Variants in CLTCL1 observed in about 807,000 individuals in gnomAD.
The protein encoded by CLTCL1 is clathrin heavy chain like 1, also known as clathrin heavy chain 2.
In CLTCL1, 159 loss-of-function variants were observed where a neutral mutation model predicts 190.0. The ratio of observed to expected loss-of-function variants is 0.84; its 90% CI spans 0.74 to 0.95. CLTCL1 has a LOEUF of 0.95. Ranked by LOEUF, CLTCL1 falls within the 40% of genes least tolerant of loss-of-function variation. The pLI is 0.00. For synonymous variants in CLTCL1, 752 were observed against 769.6 expected (o/e 0.98, Z 0.38); for missense variants, 1,878 against 2,033.4 (o/e 0.92, Z 1.47).
At chr22:19,285,761 G>T (rs1569263489) in intron 1 of CLTCL1, among the ~76,000 whole-genome samples, 1 of 152,156 alleles carries the variant, frequency 6.6e-6, no homozygotes, top group East Asian at 1.9e-4. Flanking sequence ...GGAAAAATCA[G>T]ACAGATTGCA....
At chr22:19,236,151 C>A (rs1302208274) in intron 5 of CLTCL1, among the ~76,000 whole-genome samples, 1 of 152,116 alleles carries the variant, frequency 6.6e-6, no homozygotes, top group Non-Finnish European at 1.5e-5. Flanking sequence ...GTTTCTCAGG[C>A]CGAGAGATTA....
chr22:19,239,789 G>A lies in CLTCL1; in HGVS notation c.682-401C>T, dbSNP rs150200659. ...AGTGCAAGATCTCATCACTGGAGGC[G>A]AAACTCACGAGACATCCTCACCATG... is the stretch of plus-strand genomic sequence containing the variant. On this transcript the variant is annotated intron_variant, in intron 4 of 32. Transcript: ENST00000427926. 5.6e-3 allele frequency among the ~76,000 whole-genome samples: 859 copies of A among 152,224 alleles called. 11 individuals carry two copies. Among genetic ancestry groups the A allele is most frequent in the African/African-American group, 0.019 (773 of 41,534 alleles).
At chr22:19,250,638 C>T (rs569682390) in intron 3 of CLTCL1, among the ~76,000 whole-genome samples, 130 of 152,048 alleles carry the variant, frequency 8.5e-4, no homozygotes, top group African/African-American at 3.0e-3. Context: ...ACTGTAACCT[C>T]CACCTCCCAG....
intron 18 of CLTCL1, among the ~76,000 whole-genome samples, chr22:19,217,502 G>A (rs2085422546): frequency 6.6e-6 from 1 of 150,924 alleles, no homozygotes; most frequent in African/African-American, 2.4e-5. Context: ...TGTAGTCCCA[G>A]CTACTCGGGA....
chr22:19,271,497 T>C (rs1408604631), intron 2 of CLTCL1, among the ~76,000 whole-genome samples: 4 of 152,210 alleles, frequency 2.6e-5, no homozygotes, highest in African/African-American at 9.6e-5. Flanking sequence ...CTCTCTCTAC[T>C]GCTCCGCTAC....
intron 5 of CLTCL1, among the ~76,000 whole-genome samples, chr22:19,237,869 G>A (rs1263015642): frequency 6.6e-6 from 1 of 152,116 alleles, no homozygotes; most frequent in Non-Finnish European, 1.5e-5. Flanking sequence ...TATCAGCAGT[G>A]CTAGGATTTC....
At chr22:19,180,381 C>A in intron 31 of CLTCL1, 143 bp from the exon 32 acceptor site, 3 of 910,778 alleles carry the variant, frequency 3.3e-6, no homozygotes, top group South Asian at 1.5e-5. Flanking sequence ...CCTCTCCAGT[C>A]TGCTCGACAG....
intron 30 of CLTCL1, chr22:19,183,031 T>C (rs1012805592): frequency 1.2e-4 from 37 of 302,432 alleles, no homozygotes; most frequent in Non-Finnish European, 1.9e-4. Flanking sequence ...TGGGAGCTCC[T>C]CAGGGAGCTG....
chr22:19,280,802 G>A (rs1331515103), intron 1 of CLTCL1, among the ~76,000 whole-genome samples: 2 of 126,690 alleles, frequency 1.6e-5, no homozygotes, highest in African/African-American at 5.9e-5. Context: ...CTGGGCAACA[G>A]AGCGAGACTC....
At chr22:19,283,639 G>A (rs530052331) in intron 1 of CLTCL1, among the ~76,000 whole-genome samples, 1 of 152,190 alleles carries the variant, frequency 6.6e-6, no homozygotes, top group African/African-American at 2.4e-5. Flanking sequence ...TAAAGAAGAT[G>A]CTGTCTAATG....
At position 19,180,206 on chromosome 22, in the gene CLTCL1, A is replaced by C; in HGVS notation, c.*13T>G. 2.5e-6 allele frequency: 4 copies of C among 1,613,704 alleles called. No homozygotes were observed. The highest frequency in any genetic ancestry group is 1.1e-5 in the South Asian group (1 of 91,080). ...TCCAAATGGGACACTTACTTAGTGC[A>C]ATCAGCTGGGTCTCATTCATGCCCA... On this transcript the variant is annotated 3_prime_UTR_variant, in exon 32 of 33. Transcript: ENST00000427926.
At chr22:19,273,595 GC>G (rs2087395762) in intron 2 of CLTCL1, among the ~76,000 whole-genome samples, 1 of 152,046 alleles carries the variant, frequency 6.6e-6, no homozygotes, top group Non-Finnish European at 1.5e-5. Context: ...CAAGGTTACT[GC>G]GCAACTCACA....
rs782764328 is a variant in CLTCL1 at position 19,242,882 on chromosome 22, G to A, written c.574C>T (p.Gln192Ter). 45 of 1,614,000 alleles carry A rather than the reference G, an allele frequency of 2.8e-5. No individual in the cohort carries two copies. The South Asian group carries it at 4.9e-4, about 18-fold the overall frequency. The change falls in exon 4 of 33, where the codon CAA (glutamine) becomes TAA (stop). Residue 192 changes from glutamine to a stop codon, truncating the protein, a stop_gained. Transcript: ENST00000427926. LOFTEE classifies it high-confidence loss of function. ...QLYSVDRKVS[Q>*]PIEGHAAAFA... Reference sequence around the variant, plus strand: ...GCCGCAGCATGGCCTTCTATGGGTTGTGAAACCTTCCTATCCACAGAGTAG... The same window carrying A: ...GCCGCAGCATGGCCTTCTATGGGTTATGAAACCTTCCTATCCACAGAGTAG...
At chr22:19,232,404 A>T in intron 10 of CLTCL1, 72 bp downstream of exon 10, 1 of 1,593,194 alleles carries the variant, frequency 6.3e-7, no homozygotes, top group Non-Finnish European at 8.6e-7. Context: ...AGTTAACAGG[A>T]AACGAATCAA....
At chr22:19,197,222 G>A (rs782660832) in intron 24 of CLTCL1, among the ~76,000 whole-genome samples, 8 of 152,034 alleles carry the variant, frequency 5.3e-5, no homozygotes, top group South Asian at 2.1e-4. Flanking sequence ...TTACTCTAAC[G>A]ACCACAGCCC....
In CLTCL1 at chr22:19,180,251, G is replaced by T. The variant is rs782429860; in HGVS notation, c.4904-13C>A. The stretch of plus-strand genomic sequence containing the variant: ...TGCCCATCAAAATCTAAAAAAACCA[G>T]AATGACATTAATGGTGGAAGGACAC... On this transcript the variant is annotated splice_polypyrimidine_tract_variant and intron_variant, in intron 31 of 32. Transcript: ENST00000427926. 1.7e-5 allele frequency: 28 copies of T among 1,613,600 alleles called. No homozygotes were observed. The highest frequency in any genetic ancestry group is 2.2e-5 in the Non-Finnish European group (26 of 1,179,812).
intron 2 of CLTCL1, among the ~76,000 whole-genome samples, chr22:19,260,779 C>CAAAAAAAAAAAAAAAAAAAAAAA (rs34267370): frequency 1.8e-5 from 1 of 56,924 alleles, no homozygotes. Context: ...AACTCTGTCT[C>CAAAAAAAAAAAAAAAAAAAAAAA]AAAAAAAAAA....
At chr22:19,227,179 T>C (rs1555956488) in intron 11 of CLTCL1, among the ~76,000 whole-genome samples, 2 of 151,756 alleles carry the variant, frequency 1.3e-5, no homozygotes, top group South Asian at 4.1e-4. Context: ...TTGTGCTTAC[T>C]AGACTTCTCT....
At chr22:19,224,142 C>T (rs9604935) in intron 13 of CLTCL1, 88 bp from the exon 14 acceptor site, 600,374 of 1,376,466 alleles carry the variant, frequency 0.44, 134,838 homozygotes, top group South Asian at 0.55. Flanking sequence ...GATGACCCTG[C>T]TCCACTCTCC....
Sources: allele counts gnomAD v4.1 joint callset (sites outside exome capture counted in the v4.1 genomes callset), GRCh38; gene constraint gnomAD v4.1.1; transcripts MANE v1.5; gene names NCBI Gene and HGNC (gene_info 2026-07-23, HGNC 2026-07-21).